MAML2: variants seen among roughly 807,000 people sequenced by gnomAD.
The protein encoded by MAML2 is mastermind-like protein 2.
A neutral mutation model predicts 96.1 loss-of-function variants in MAML2; 22 were observed. The ratio of observed to expected loss-of-function variants is 0.23; its 90% CI spans 0.16 to 0.33. MAML2 has a LOEUF of 0.33. Ranked by LOEUF, MAML2 falls within the 10% of genes least tolerant of loss-of-function variation. The pLI is 1.00. For synonymous variants in MAML2, 561 were observed against 521.3 expected (o/e 1.08, Z -1.04); for missense variants, 1,367 against 1,392.4 (o/e 0.98, Z 0.29).
chr11:95,985,113 C>T (rs1439135176), intron 4 of MAML2, among the ~76,000 whole-genome samples: 2 of 152,146 alleles, frequency 1.3e-5, no homozygotes, highest in Non-Finnish European at 2.9e-5. Flanking sequence ...GACCATTTGT[C>T]TTTGAAGGGG....
At chr11:95,986,558 C>T (rs1188778610) in intron 3 of MAML2, among the ~76,000 whole-genome samples, 1 of 152,012 alleles carries the variant, frequency 6.6e-6, no homozygotes, top group Non-Finnish European at 1.5e-5. Context: ...CAGGAGATAA[C>T]CAACAGGTAC....
chr11:96,215,975 A>C (rs964945585), intron 1 of MAML2, among the ~76,000 whole-genome samples: 1 of 152,172 alleles, frequency 6.6e-6, no homozygotes, highest in East Asian at 1.9e-4. Flanking sequence ...AGCACAGGGG[A>C]ACAAGTTTAA....
At chr11:96,192,715 A>C (rs1310277681) in intron 1 of MAML2, among the ~76,000 whole-genome samples, 1 of 152,144 alleles carries the variant, frequency 6.6e-6, no homozygotes, top group Non-Finnish European at 1.5e-5. Context: ...AATTATCTGG[A>C]GGCAGAATAA....
chr11:96,295,509 G>C (rs541615449), intron 1 of MAML2, among the ~76,000 whole-genome samples: 1 of 152,130 alleles, frequency 6.6e-6, no homozygotes, highest in Non-Finnish European at 1.5e-5. Flanking sequence ...CTATGAGGAC[G>C]AAATGCCTAT....
At chr11:96,329,497 A>G (rs1429709473) in intron 1 of MAML2, among the ~76,000 whole-genome samples, 1 of 152,242 alleles carries the variant, frequency 6.6e-6, no homozygotes, top group Non-Finnish European at 1.5e-5. Flanking sequence ...TTGAGAAACA[A>G]AATCAAATAT....
chr11:96,143,913 C>T (rs940114925), intron 1 of MAML2, among the ~76,000 whole-genome samples: 3 of 152,204 alleles, frequency 2.0e-5, no homozygotes, highest in African/African-American at 7.2e-5. Flanking sequence ...ATGTAGCTTT[C>T]CACTACCATA....
At chr11:96,225,788 G>C (rs1862201844) in intron 1 of MAML2, among the ~76,000 whole-genome samples, 2 of 152,016 alleles carry the variant, frequency 1.3e-5, no homozygotes, top group Admixed American at 6.6e-5. Context: ...AGCCAAAAAT[G>C]GGCCACTGTA....
In MAML2 at chr11:96,092,716, T is replaced by C. The variant is rs1021636147; in HGVS notation, c.1315A>G (p.Ile439Val). 3 of 1,613,854 alleles carry C rather than the reference T, an allele frequency of 1.9e-6. No homozygotes were observed. The highest frequency in any genetic ancestry group is 2.5e-6 in the Non-Finnish European group (3 of 1,179,904). ...EVSHAQQLKQIAANRQQHARM... is the reference protein window; with the variant it reads ...EVSHAQQLKQVAANRQQHARM... ...GCATGCTGCTGACGATTAGCAGCTA[T>C]CTGTTTGAGCTGCTGGGCATGGGAT... is the stretch of plus-strand genomic sequence containing the variant. Residue 439 changes from isoleucine (I) to valine (V), a missense_variant, in exon 2 of 5, where the codon ATA becomes GTA. Physicochemically the swap from Ile to Val is conservative, Grantham distance 29 (BLOSUM62 3). Transcript: ENST00000524717. This position sits in a 1 kb window ranked among gnomAD's most constrained non-coding sequence, Gnocchi z 4.1.
At chr11:96,021,692 T>C (rs1858437694) in intron 2 of MAML2, among the ~76,000 whole-genome samples, 1 of 152,258 alleles carries the variant, frequency 6.6e-6, no homozygotes, top group African/African-American at 2.4e-5. Context: ...AGAGTGACTA[T>C]GATGGGCAGA....
At chr11:96,294,610 A>G (rs1314829533) in intron 1 of MAML2, among the ~76,000 whole-genome samples, 1 of 152,218 alleles carries the variant, frequency 6.6e-6, no homozygotes, top group East Asian at 1.9e-4. Flanking sequence ...TAGTAAACAA[A>G]TATTTCACAT....
intron 2 of MAML2, among the ~76,000 whole-genome samples, chr11:96,035,160 G>A (rs75489363): frequency 0.044 from 6,756 of 152,276 alleles, 191 homozygotes; most frequent in Non-Finnish European, 0.069. Flanking sequence ...TAGAATTCTG[G>A]AATTGTGTGG....
intron 1 of MAML2, among the ~76,000 whole-genome samples, chr11:96,315,452 C>T (rs1863616935): frequency 6.6e-6 from 1 of 152,160 alleles, no homozygotes; most frequent in Non-Finnish European, 1.5e-5. Flanking sequence ...CTCCACTTAC[C>T]GTATAAAGTA....
At chr11:96,029,199 A>T (rs928873258) in intron 2 of MAML2, among the ~76,000 whole-genome samples, 10 of 150,928 alleles carry the variant, frequency 6.6e-5, no homozygotes, top group East Asian at 1.9e-4. Context: ...ATAATAATAA[A>T]AAAAAAACTT....
In MAML2 at chr11:96,120,199, C is replaced by T. The variant is rs768105367; in HGVS notation, c.514-26682G>A. Among the ~76,000 whole-genome samples the T allele has an allele frequency of 1.8e-4, 27 of 152,200 alleles. No individual in the cohort carries two copies. The Middle Eastern group carries it at 0.01, about 58-fold the overall frequency. On this transcript the variant is annotated intron_variant, in intron 1 of 4. Coordinates refer to ENST00000524717, the MANE Select transcript of MAML2 (RefSeq NM_032427.4). ...GTCTCGATCTCCTGACCTTGTGATC[C>T]GCCCTCCTCGGCCTCCCAAAGTGCT... is the stretch of plus-strand genomic sequence containing the variant.
At chr11:96,161,980 C>G (rs1260279912) in intron 1 of MAML2, among the ~76,000 whole-genome samples, 2 of 152,192 alleles carry the variant, frequency 1.3e-5, no homozygotes, top group Admixed American at 1.3e-4. Flanking sequence ...TTACTCCCTT[C>G]TACTATACCA....
At chr11:96,231,001 C>T (rs1183650421) in intron 1 of MAML2, among the ~76,000 whole-genome samples, 1 of 152,212 alleles carries the variant, frequency 6.6e-6, no homozygotes, top group Non-Finnish European at 1.5e-5. Flanking sequence ...TGTCTTGTGA[C>T]ATTTTCATTC....
Position 96,070,552 on chromosome 11 carries a change from G to A in MAML2, c.2139+21340C>T, listed in dbSNP as rs1236071770. On this transcript the variant is annotated intron_variant, in intron 2 of 4. Coordinates refer to ENST00000524717, the MANE Select transcript of MAML2 (RefSeq NM_032427.4). The stretch of plus-strand genomic sequence containing the variant: ...TGCTTGCAGTGCCTCTGGTCCAGCT[G>A]CAGCCTTGCAGAGAGCTGGTACCTG... Among the ~76,000 whole-genome samples the A allele has an allele frequency of 2.0e-5, 3 of 152,358 alleles. No individual in the cohort carries two copies. The East Asian group carries it at 5.8e-4, about 29-fold the overall frequency.
chr11:96,021,469 T>A (rs1443434682), intron 2 of MAML2, among the ~76,000 whole-genome samples: 1 of 152,226 alleles, frequency 6.6e-6, no homozygotes, highest in Non-Finnish European at 1.5e-5. Context: ...CTCTGTCTAC[T>A]GGGCCTAAGG....
At chr11:96,038,534 T>C (rs1424080526) in intron 2 of MAML2, among the ~76,000 whole-genome samples, 3 of 152,250 alleles carry the variant, frequency 2.0e-5, no homozygotes, top group Non-Finnish European at 4.4e-5. Context: ...AGCAATGTGC[T>C]AGGCACTTAA....
Sources: gnomAD v4.1 joint callset for allele counts (sites outside exome capture counted in the v4.1 genomes callset) on GRCh38, gnomAD v4.1.1 for gene constraint, Gnocchi (gnomAD v3.1) non-coding constraint, MANE v1.5 for transcripts, NCBI Gene and HGNC (gene_info 2026-07-23, HGNC 2026-07-21) for gene names.